The following STXBP5L variants were observed in gnomAD, a reference collection of about 807,000 sequenced individuals.
STXBP5L encodes the protein syntaxin-binding protein 5-like.
In STXBP5L, 65 loss-of-function variants were observed where a neutral mutation model predicts 144.5. That is an observed-to-expected ratio of 0.45 (90% CI 0.37 to 0.55). The LOEUF (loss-of-function observed/expected upper bound fraction) is 0.55. Ranked by LOEUF, STXBP5L falls within the 20% of genes least tolerant of loss-of-function variation. The pLI is 0.00. For missense variants in STXBP5L, 1,298 were observed against 1,405.5 expected (o/e 0.92, Z 1.22); for synonymous variants, 505 against 469.6 (o/e 1.08, Z -0.97).
intron 3 of STXBP5L, among the ~76,000 whole-genome samples, chr3:120,981,737 C>G (rs1216531694): frequency 6.6e-6 from 1 of 152,124 alleles, no homozygotes; most frequent in African/African-American, 2.4e-5. Context: ...GCAGGTGGTA[C>G]AACACTTTGT....
intron 9 of STXBP5L, among the ~76,000 whole-genome samples, chr3:121,179,226 G>T (rs1314639723): frequency 3.9e-5 from 6 of 151,910 alleles, no homozygotes; most frequent in Admixed American, 3.9e-4. Context: ...AATTCCATAG[G>T]AGACAGTGAA....
At chr3:120,950,644 G>A (rs936031557) in intron 2 of STXBP5L, among the ~76,000 whole-genome samples, 1 of 152,096 alleles carries the variant, frequency 6.6e-6, no homozygotes, top group Admixed American at 6.6e-5. Context: ...ACTGCTCAAT[G>A]AAATAAAAGA....
At chr3:121,246,566 C>T (rs1190980931) in intron 14 of STXBP5L, among the ~76,000 whole-genome samples, 1 of 152,112 alleles carries the variant, frequency 6.6e-6, no homozygotes, top group East Asian at 1.9e-4. Flanking sequence ...CTCAGATCAA[C>T]ATCCTGCAGA....
At chr3:120,999,597 A>T (rs559049697) in intron 3 of STXBP5L, among the ~76,000 whole-genome samples, 1 of 151,930 alleles carries the variant, frequency 6.6e-6, no homozygotes, top group Admixed American at 6.6e-5. Flanking sequence ...ACATGTGCCA[A>T]TTTGATCCTG....
chr3:121,392,064 T>G (rs1172762395), intron 22 of STXBP5L, among the ~76,000 whole-genome samples: 1 of 152,034 alleles, frequency 6.6e-6, no homozygotes, highest in Non-Finnish European at 1.5e-5. Context: ...CTCCATCCAG[T>G]TTGTTTCCTG....
At chr3:121,250,911 G>C (rs2050007145) in intron 15 of STXBP5L, 148 bp downstream of exon 15, 1 of 610,218 alleles carries the variant, frequency 1.6e-6, no homozygotes, top group Admixed American at 3.2e-5. Flanking sequence ...TACCTACACT[G>C]TTAGATCAGT....
intron 9 of STXBP5L, among the ~76,000 whole-genome samples, chr3:121,198,539 T>C (rs1483523519): frequency 1.3e-5 from 2 of 152,240 alleles, no homozygotes; most frequent in Non-Finnish European, 2.9e-5. Context: ...TTTGATGTTT[T>C]AGTCATGAAG....
At chr3:121,414,661 G>GC (rs1454115909) in intron 24 of STXBP5L, among the ~76,000 whole-genome samples, 3 of 152,220 alleles carry the variant, frequency 2.0e-5, no homozygotes. Context: ...AAGCCTCACG[G>GC]CTAAGGAAAC....
chr3:121,161,413 C>A (rs1475010198), intron 9 of STXBP5L, among the ~76,000 whole-genome samples: 4 of 151,852 alleles, frequency 2.6e-5, no homozygotes, highest in Non-Finnish European at 4.4e-5. Context: ...AATTTTGCTT[C>A]CTCTTTATAT....
chr3:121,286,224 A>G (rs2051228646), intron 19 of STXBP5L, among the ~76,000 whole-genome samples: 2 of 152,124 alleles, frequency 1.3e-5, no homozygotes, highest in South Asian at 4.1e-4. Flanking sequence ...GATCCTAAAA[A>G]CACCTGAAAC....
At chr3:121,143,831 A>G (rs2045607356) in intron 7 of STXBP5L, among the ~76,000 whole-genome samples, 1 of 151,908 alleles carries the variant, frequency 6.6e-6, no homozygotes, top group Non-Finnish European at 1.5e-5. Context: ...ACTTAAACAT[A>G]AGACCTTAAA....
chr3:120,925,039 G>A (rs1247675073), intron 2 of STXBP5L: 4 of 152,162 alleles, frequency 2.6e-5, no homozygotes, highest in South Asian at 2.1e-4. Flanking sequence ...TTGTATTCCT[G>A]TATAGCTTTA....
chr3:121,024,288 T>C (rs1945773331), intron 3 of STXBP5L, among the ~76,000 whole-genome samples: 1 of 152,148 alleles, frequency 6.6e-6, no homozygotes, highest in African/African-American at 2.4e-5. Flanking sequence ...AGAGGCTATA[T>C]GGATCACAAA....
intron 25 of STXBP5L, among the ~76,000 whole-genome samples, chr3:121,416,627 C>T (rs1421121390): frequency 7.9e-5 from 12 of 151,626 alleles, no homozygotes; most frequent in Non-Finnish European, 1.3e-4. Flanking sequence ...CCTGCCTCAG[C>T]CTCCCAAGTA....
chr3:121,251,251 T>G (rs1246920810), intron 15 of STXBP5L, among the ~76,000 whole-genome samples: 1 of 152,190 alleles, frequency 6.6e-6, no homozygotes, highest in East Asian at 1.9e-4. Flanking sequence ...CTCTGCTCAA[T>G]GTTGAAGGAA....
chr3:121,019,438 C>T (rs1046487054), intron 3 of STXBP5L, among the ~76,000 whole-genome samples: 2 of 152,208 alleles, frequency 1.3e-5, no homozygotes, highest in Non-Finnish European at 2.9e-5. Flanking sequence ...TTGAAAGCCC[C>T]ACCTCATGGC....
chr3:121,079,805 G>A (rs994391664), intron 5 of STXBP5L, among the ~76,000 whole-genome samples: 1 of 152,150 alleles, frequency 6.6e-6, no homozygotes, highest in Admixed American at 6.5e-5. Context: ...TGCAGTTGTT[G>A]GGAAGAATGT....
Position 121,330,152 on chromosome 3 carries a change from C to T in STXBP5L, c.2176+11612C>T, listed in dbSNP as rs181180728. ...CTGAAAGCCACAGTTTCTATCTCAA[C>T]AGGGAAGGCTTATGGCATAGGGCAT... On this transcript the variant is annotated intron_variant, in intron 20 of 26. Transcript: ENST00000471454. Among the ~76,000 whole-genome samples, 4 of 152,236 alleles carry T rather than the reference C, an allele frequency of 2.6e-5. No homozygotes were observed. In the East Asian group the frequency reaches 5.8e-4, roughly 22 times the overall value.
At chr3:121,195,156 C>A (rs1184852557) in intron 9 of STXBP5L, among the ~76,000 whole-genome samples, 3 of 151,904 alleles carry the variant, frequency 2.0e-5, no homozygotes, top group Non-Finnish European at 1.5e-5. Context: ...GATCTCTTGA[C>A]CTCGTGATCT....
Sources: allele counts gnomAD v4.1 joint callset (sites outside exome capture counted in the v4.1 genomes callset), GRCh38; gene constraint gnomAD v4.1.1; transcripts MANE v1.5; gene names NCBI Gene and HGNC (gene_info 2026-07-23, HGNC 2026-07-21).